The following KCTD13 variants were observed in gnomAD, a reference collection of about 807,000 sequenced individuals.
KCTD13 encodes the protein BTB/POZ domain-containing adapter for CUL3-mediated RhoA degradation protein 1.
In KCTD13, 15 loss-of-function variants were observed where a neutral mutation model predicts 32.3. The observed-to-expected ratio is 0.46, with a 90% CI of 0.31 to 0.71. KCTD13 has a LOEUF of 0.71. Ranked by LOEUF, KCTD13 falls within the 30% of genes least tolerant of loss-of-function variation. The probability of loss-of-function intolerance (pLI) is 0.05; values close to 1 mark genes in which losing one functional copy is unlikely to be tolerated. For synonymous variants in KCTD13, 189 were observed against 200.1 expected (o/e 0.94, Z 0.47); for missense variants, 337 against 452.6 (o/e 0.74, Z 2.32).
Position 29,911,718 on chromosome 16 carries a change from G to C in KCTD13, c.557+97C>G. On this transcript the variant is annotated intron_variant, in intron 4 of 5. Transcript: ENST00000568000. ...TCTGCGAGCAGGCACAGATGTTCTT[G>C]TAGGCCCCCCGTGTGGCCGTGGCCC... The C allele has an allele frequency of 4.5e-6, 6 of 1,327,334 alleles. No individual in the cohort carries two copies. In the Admixed American group the frequency reaches 9.5e-5, roughly 21 times the overall value. 82.2% of individuals were successfully genotyped at this position (1,327,334 alleles called of 1,614,324 possible).
chr16:29,914,771 G>A (rs1354632189), intron 2 of KCTD13: 1 of 152,250 alleles, frequency 6.6e-6, no homozygotes, highest in East Asian at 1.9e-4. Flanking sequence ...GTGAGCTAAA[G>A]AGACAGGTCA....
chr16:29,918,454 C>T (rs982583863), intron 2 of KCTD13, among the ~76,000 whole-genome samples: 4 of 152,132 alleles, frequency 2.6e-5, no homozygotes, highest in East Asian at 3.9e-4. Flanking sequence ...TAATATCAGT[C>T]ATTTTATTTA....
At chr16:29,912,852 C>T (rs1364427931) in intron 2 of KCTD13, among the ~76,000 whole-genome samples, 1 of 152,234 alleles carries the variant, frequency 6.6e-6, no homozygotes, top group Non-Finnish European at 1.5e-5. Context: ...ACAGCTGATG[C>T]TCTGTATTTG....
intron 2 of KCTD13, among the ~76,000 whole-genome samples, chr16:29,917,610 T>C (rs1019460712): frequency 2.0e-5 from 3 of 151,994 alleles, no homozygotes; most frequent in African/African-American, 7.3e-5. Context: ...TGAAACCCCA[T>C]CTCTGCTAAA....
intron 5 of KCTD13, among the ~76,000 whole-genome samples, chr16:29,910,351 T>C (rs1390288574): frequency 6.6e-6 from 1 of 151,852 alleles, no homozygotes; most frequent in Non-Finnish European, 1.5e-5. Flanking sequence ...TGAGCGGAGA[T>C]TGTGCCACTG....
At chr16:29,922,957 T>C (rs745730923) in intron 2 of KCTD13, 9 of 510,978 alleles carry the variant, frequency 1.8e-5, no homozygotes, top group Non-Finnish European at 2.8e-5. Context: ...ATAGGAACAG[T>C]GGGAAGTAGA....
At chr16:29,922,406 G>A (rs2048272546) in intron 2 of KCTD13, 2 of 152,144 alleles carry the variant, frequency 1.3e-5, no homozygotes, top group African/African-American at 2.4e-5. Context: ...TGTAAAAATA[G>A]AACAGAATAA....
chr16:29,916,716 TAAAA>T (rs2068816046), intron 2 of KCTD13, among the ~76,000 whole-genome samples: 1 of 152,146 alleles, frequency 6.6e-6, no homozygotes, highest in South Asian at 2.1e-4. Context: ...AATAAATAAA[TAAAA>T]ATAAACATTA....
chr16:29,923,349 C>T lies in KCTD13; in HGVS notation c.255G>A (p.Leu85=). ...EVLTDAGGWV[L]IDRSGRHFGT... ...CAAAGTGACGGCCGCTCCGGTCAAT[C>T]AGCACCCAACCTAGTGGGGTGGGGA... Residue 85 remains leucine (L), a synonymous_variant, in exon 2 of 6, where the codon CTG becomes CTA. Transcript: ENST00000568000. The T allele has an allele frequency of 6.2e-7, 1 of 1,613,964 alleles. No homozygotes were observed. Among genetic ancestry groups the T allele is most frequent in the African/African-American group, 1.3e-5 (1 of 75,032 alleles).
rs184896100 is a variant in KCTD13 at position 29,906,860 on chromosome 16, G to A, written c.*12C>T. ...TCCCAAGGCAAGAGGAAGGCAGGGG[G>A]AGGGTCAGAGGTCAGTCCTTGAAGA... On this transcript the variant is annotated 3_prime_UTR_variant, in exon 6 of 6. Transcript: ENST00000568000. 1.9e-6 allele frequency: 3 copies of A among 1,607,814 alleles called. No individual in the cohort carries two copies. Among genetic ancestry groups the A allele is most frequent in the Non-Finnish European group, 2.6e-6 (3 of 1,174,642 alleles).
intron 5 of KCTD13, 141 bp from the exon 6 acceptor site, chr16:29,907,249 C>T (rs2068629889): frequency 3.3e-6 from 2 of 604,548 alleles, no homozygotes; most frequent in East Asian, 2.8e-5. Flanking sequence ...TCTGCCACTC[C>T]TTTACTCAGC....
chr16:29,908,108 GAGA>G (rs1438839211), intron 5 of KCTD13, among the ~76,000 whole-genome samples: 1 of 152,168 alleles, frequency 6.6e-6, no homozygotes, highest in Non-Finnish European at 1.5e-5. Flanking sequence ...AGGCCTCACT[GAGA>G]AGGTGATATT....
intron 1 of KCTD13, chr16:29,925,563 C>A (rs2068979805): frequency 6.9e-6 from 4 of 583,086 alleles, no homozygotes; most frequent in African/African-American, 3.8e-5. Flanking sequence ...GTTAGGGGTT[C>A]CGTAAGTGTT....
At chr16:29,910,224 C>T (rs1227005128) in intron 5 of KCTD13, among the ~76,000 whole-genome samples, 2 of 151,296 alleles carry the variant, frequency 1.3e-5, no homozygotes, top group African/African-American at 2.4e-5. Context: ...ATGGTGAAAC[C>T]CCGTTTCTAC....
intron 2 of KCTD13, chr16:29,913,299 T>G (rs1237266236): frequency 1.3e-5 from 2 of 151,998 alleles, no homozygotes; most frequent in African/African-American, 2.4e-5. Context: ...GATATTAAGA[T>G]AGGCTGCAAA....
chr16:29,911,387 G>C (rs752946551), intron 4 of KCTD13: 31 of 575,090 alleles, frequency 5.4e-5, no homozygotes, highest in Non-Finnish European at 9.2e-5. Flanking sequence ...CAGCACAGCA[G>C]CTCCAGTGAG....
At position 29,912,433 on chromosome 16, in the gene KCTD13, T is replaced by C. The variant is rs2068730682; in HGVS notation, c.415-384A>G. 2.2e-5 allele frequency: 6 copies of C among 276,312 alleles called. No homozygotes were observed. The South Asian group carries it at 3.1e-4, about 14-fold the overall frequency. 17.1% of individuals were successfully genotyped at this position (276,312 alleles called of 1,614,324 possible). On this transcript the variant is annotated intron_variant, in intron 2 of 5. Coordinates refer to ENST00000568000, the MANE Select transcript of KCTD13 (RefSeq NM_178863.5). ...AGCCTCCTCTACATCCTGCCTTTTG[T>C]GTTATCAGTTTTCTTTTTCTTTTTT...
chr16:29,907,292 A>G (rs1023810399), intron 5 of KCTD13, among the ~76,000 whole-genome samples, 184 bp from the exon 6 acceptor site: 1 of 152,212 alleles, frequency 6.6e-6, no homozygotes, highest in Non-Finnish European at 1.5e-5. Flanking sequence ...CTCTGAAGTC[A>G]GGCAGGCAGA....
chr16:29,923,951 G>T (rs1373479581), intron 1 of KCTD13, among the ~76,000 whole-genome samples: 1 of 152,028 alleles, frequency 6.6e-6, no homozygotes, highest in East Asian at 1.9e-4. Context: ...GAGGTGGGCG[G>T]ATCACCTGAG....
Sources: allele counts gnomAD v4.1 joint callset (sites outside exome capture counted in the v4.1 genomes callset), GRCh38; gene constraint gnomAD v4.1.1; transcripts MANE v1.5; gene names NCBI Gene and HGNC (gene_info 2026-07-23, HGNC 2026-07-21).